Variants in SNRNP200 observed in about 807,000 individuals in gnomAD.
The protein encoded by SNRNP200 is U5 small nuclear ribonucleoprotein 200 kDa helicase.
Under a neutral mutation model 255.2 loss-of-function variants are expected in SNRNP200, and 66 were observed. That is an observed-to-expected ratio of 0.26 (90% confidence interval 0.21 to 0.32). The LOEUF is 0.32. Ranked by LOEUF, SNRNP200 falls within the 10% of genes least tolerant of loss-of-function variation. SNRNP200 has a pLI of 1.00. For synonymous variants in SNRNP200, 939 were observed against 1,027.8 expected, an observed-to-expected ratio of 0.91 and a Z score of 1.65; for missense variants, 1,585 against 2,749.8, an observed-to-expected ratio of 0.58 and a Z score of 9.47.
chr2:96,284,580 G>A lies in SNRNP200; in HGVS notation c.4170C>T (p.Tyr1390=). ...CCTGGAACTTCTCGTACCAGTCCAT[G>A]TATACCTGGCGGGCAGAGGAGGGAG... ...TPMEALAEQV[Y]MDWYEKFQDR... is the part of the protein sequence containing the mutation. Residue 1390 remains tyrosine, a synonymous_variant, in exon 31 of 45, where the codon TAC becomes TAT. Coordinates refer to ENST00000323853, the MANE Select transcript of SNRNP200 (RefSeq NM_014014.5). The A allele has an allele frequency of 6.2e-7, 1 of 1,612,778 alleles. No individual in the cohort carries two copies. Among genetic ancestry groups the A allele is most frequent in the Non-Finnish European group, 8.5e-7 (1 of 1,178,818 alleles).
rs1342376172 is a variant in SNRNP200, at chr2:96,286,088, T to C, written c.4003+223A>G. ...CTGGGCCCGAGAAATGACCATGCCATGTAAGGCCTTGCTCTATTGCCCCTC... is the reference window on the plus strand; with the variant it reads ...CTGGGCCCGAGAAATGACCATGCCACGTAAGGCCTTGCTCTATTGCCCCTC... On this transcript the variant is annotated intron_variant, in intron 29 of 44. Coordinates refer to ENST00000323853, the MANE Select transcript of SNRNP200 (RefSeq NM_014014.5). The surrounding 1 kb of genome is among the most constrained non-coding windows in gnomAD (Gnocchi z 4.8). Among the ~76,000 whole-genome samples, 4 of 152,172 alleles carry C rather than the reference T, an allele frequency of 2.6e-5. No homozygotes were observed. The highest frequency in any genetic ancestry group is 9.6e-5 in the African/African-American group (4 of 41,454).
chr2:96,285,007 C>T (rs746395682), intron 30 of SNRNP200, 173 bp downstream of exon 30: 25 of 775,696 alleles, frequency 3.2e-5, no homozygotes, highest in Non-Finnish European at 5.1e-5. Flanking sequence ...GCCTCGGCCT[C>T]CCAAAGTGCT....
At chr2:96,282,872 A>C (rs2063812257) in intron 34 of SNRNP200, 1 of 423,942 alleles carries the variant, frequency 2.4e-6, no homozygotes, top group Non-Finnish European at 4.4e-6. Flanking sequence ...GCAATACAAG[A>C]ACGGACTAAT....
rs2063853297 is a variant in SNRNP200 at position 96,287,921 on chromosome 2, C to G, written c.3307G>C (p.Gly1103Arg). 1 of 1,614,094 alleles carries G rather than the reference C, an allele frequency of 6.2e-7. No homozygotes were observed. The highest frequency in any genetic ancestry group is 8.5e-7 in the Non-Finnish European group (1 of 1,180,056). Residue 1103 changes from glycine to arginine, a missense_variant, in exon 25 of 45, where the codon GGT (glycine) becomes CGT (arginine). By Grantham distance (125) the Gly-to-Arg change is moderately radical. Coordinates refer to ENST00000323853, the MANE Select transcript of SNRNP200 (RefSeq NM_014014.5). This position sits in a 1 kb window ranked among gnomAD's most constrained non-coding sequence, Gnocchi z 5.7. ...GTCTTGTCTGTAAGCTGTGCCCAAC[C>G]TCGGTTCAGGACAATTTCAAATATC... ...RAIFEIVLNR[G>R]WAQLTDKTLN...
chr2:96,278,409 C>G lies in SNRNP200; in HGVS notation c.5489-51G>C. On this transcript the variant is annotated intron_variant, in intron 38 of 44. Transcript: ENST00000323853. The surrounding 1 kb of genome is among the most constrained non-coding windows in gnomAD (Gnocchi z 6.9). ...AAGCTAAAACCAGGCAGAGAAGGAG[C>G]AGAACTGCCCGGGCTCCCCTGCTGT... The G allele has an allele frequency of 1.9e-6, 3 of 1,613,150 alleles. No homozygotes were observed. The highest frequency in any genetic ancestry group is 2.5e-6 in the Non-Finnish European group (3 of 1,179,692).
rs529945830 is a variant in SNRNP200 at position 96,277,411 on chromosome 2, G to A, written c.5931+128C>T. 3.7e-4 allele frequency: 490 copies of A among 1,314,876 alleles called. 6 individuals are homozygous for A. The South Asian group carries it at 4.6e-3, about 12-fold the overall frequency. The allele number at this position is 1,314,876 out of a possible 1,614,324, so 81.5% of individuals were successfully genotyped here. A position where few individuals can be genotyped will look rare whatever the true frequency, so the allele number is the denominator to read the frequency against. ...GCAGGCTCTCTAGCATCTCAACAGG[G>A]AGCACCTTCGGAGGAACCATAACTA... On this transcript the variant is annotated intron_variant, in intron 41 of 44. Coordinates refer to ENST00000323853, the MANE Select transcript of SNRNP200 (RefSeq NM_014014.5). This position sits in a 1 kb window ranked among gnomAD's most constrained non-coding sequence, Gnocchi z 4.4.
rs1266911056 is a variant in SNRNP200, at chr2:96,293,108, C to A, written c.2037-13G>T. On this transcript the variant is annotated splice_polypyrimidine_tract_variant and intron_variant, in intron 15 of 44. Transcript: ENST00000323853. ...CACTGGACGGAAGCTAGAAGTTCAA[C>A]AGTTAGACAAATGAGGCTTTGGCAG... is the stretch of plus-strand genomic sequence containing the variant. 1 of 1,614,168 alleles carries A rather than the reference C, an allele frequency of 6.2e-7. No individual in the cohort carries two copies. The highest frequency in any genetic ancestry group is 1.1e-5 in the South Asian group (1 of 91,076).
rs1437488657 is a variant in SNRNP200 at position 96,277,221 on chromosome 2, G to A, written c.5952C>T (p.Asp1984=). 6.2e-7 allele frequency: 1 copy of A among 1,614,042 alleles called. No homozygotes were observed. The highest frequency in any genetic ancestry group is 2.2e-5 in the East Asian group (1 of 44,890). ...CTDKGVESVF[D]IMEMEDEERN... is the part of the protein sequence containing the mutation. Reference sequence around the variant, plus strand: ...GTTCTTCATCCTCCATCTCCATGATGTCGAAAACACTCTCCACTCCCTGCA... The same window carrying A: ...GTTCTTCATCCTCCATCTCCATGATATCGAAAACACTCTCCACTCCCTGCA... Residue 1984 remains aspartate, a synonymous_variant, in exon 42 of 45, where the codon GAC becomes GAT. Transcript: ENST00000323853. This position sits in a 1 kb window ranked among gnomAD's most constrained non-coding sequence, Gnocchi z 4.4.
rs759165717 is a variant in SNRNP200 at position 96,301,519 on chromosome 2, C to G, written c.574+5G>C. 7 of 1,614,126 alleles carry G rather than the reference C, an allele frequency of 4.3e-6. No homozygotes were observed. The highest frequency in any genetic ancestry group is 2.2e-5 in the South Asian group (2 of 91,080). On this transcript the variant is annotated splice_donor_5th_base_variant and intron_variant, in intron 4 of 44. Coordinates refer to ENST00000323853, the MANE Select transcript of SNRNP200 (RefSeq NM_014014.5). ...ACATGATCAGAACATAAAGCGCGCA[C>G]TTACCCATATTTTGGATTTCCTTAT...
intron 2 of SNRNP200, among the ~76,000 whole-genome samples, chr2:96,303,665 G>A (rs568612967): frequency 3.3e-5 from 5 of 152,102 alleles, no homozygotes; most frequent in South Asian, 2.1e-4. Flanking sequence ...CAAGGCAGGC[G>A]GATCACCTGA....
intron 13 of SNRNP200, 71 bp from the exon 14 acceptor site, chr2:96,295,729 A>T: frequency 6.5e-7 from 1 of 1,546,210 alleles, no homozygotes; most frequent in Non-Finnish European, 8.8e-7. Context: ...TGTTTGGGCA[A>T]TTGGAGTGTA....
At position 96,278,817 on chromosome 2, in the gene SNRNP200, T is replaced by G. The variant is rs755235393; in HGVS notation, c.5315A>C (p.Asn1772Thr). The G allele has an allele frequency of 6.2e-7, 1 of 1,613,962 alleles. No homozygotes were observed. The highest frequency in any genetic ancestry group is 1.1e-5 in the South Asian group (1 of 91,056). Residue 1772 changes from asparagine (N) to threonine (T), a missense_variant, in exon 37 of 45, where the codon AAC (asparagine) becomes ACC (threonine). Asn to Thr is a moderately conservative substitution (Grantham distance 65, BLOSUM62 0). Coordinates refer to ENST00000323853, the MANE Select transcript of SNRNP200 (RefSeq NM_014014.5). The surrounding 1 kb of genome is among the most constrained non-coding windows in gnomAD (Gnocchi z 6.9). ...RRMTQNPNYYNLQGISHRHLS... is the reference protein window; with the variant it reads ...RRMTQNPNYYTLQGISHRHLS... ...CTCCCAAGCCCACTGACCCTGCAGG[T>G]TGTAGTAATTGGGGTTCTGTGTCAT... is the stretch of plus-strand genomic sequence containing the variant.
intron 3 of SNRNP200, 26 bp downstream of exon 3, chr2:96,303,131 AAT>A (rs1558772972): frequency 1.9e-6 from 3 of 1,607,026 alleles, no homozygotes; most frequent in Non-Finnish European, 1.7e-6. Context: ...ATAAAGACCT[AAT>A]ATATATTTCA....
At position 96,287,793 on chromosome 2, in the gene SNRNP200, T is replaced by G; in HGVS notation, c.3365+70A>C. Reference sequence around the variant, plus strand: ...CTGGAGATCAGATGCACCCTGAGGCTTTCCCATCAGACCCTTGGGTTGGGG... The same window carrying G: ...CTGGAGATCAGATGCACCCTGAGGCGTTCCCATCAGACCCTTGGGTTGGGG... On this transcript the variant is annotated intron_variant, in intron 25 of 44. Transcript: ENST00000323853. The surrounding 1 kb of genome is among the most constrained non-coding windows in gnomAD (Gnocchi z 5.7). 13 of 1,321,954 alleles carry G rather than the reference T, an allele frequency of 9.8e-6. No homozygotes were observed. Among genetic ancestry groups the G allele is most frequent in the Non-Finnish European group, 1.1e-5 (10 of 913,458 alleles). The allele number at this position is 1,321,954 out of a possible 1,614,324, so 81.9% of individuals were successfully genotyped here.
chr2:96,304,233 TC>T, intron 2 of SNRNP200, among the ~76,000 whole-genome samples: 1 of 147,770 alleles, frequency 6.8e-6, no homozygotes, highest in South Asian at 2.2e-4. Flanking sequence ...TTGAAACATA[TC>T]CCCAAGAAAT....
At chr2:96,282,245 C>A in intron 34 of SNRNP200, 1 of 337,508 alleles carries the variant, frequency 3.0e-6, no homozygotes, top group Non-Finnish European at 5.8e-6. Flanking sequence ...CAGCCACGGG[C>A]TGGCTCAGCC....
intron 24 of SNRNP200, 120 bp downstream of exon 24, chr2:96,288,543 G>A (rs2063857992): frequency 2.3e-6 from 2 of 857,266 alleles, no homozygotes; most frequent in Non-Finnish European, 3.9e-6. Flanking sequence ...GGCAAGAGCA[G>A]AACTAAGCAC....
intron 9 of SNRNP200, 151 bp downstream of exon 9, chr2:96,298,133 T>C (rs561262399): frequency 1.8e-6 from 2 of 1,115,930 alleles, no homozygotes; most frequent in Non-Finnish European, 2.7e-6. Context: ...TGTGGATGTG[T>C]TGATTCTAAC....
Position 96,283,566 on chromosome 2 carries a change from T to C in SNRNP200, c.4732A>G (p.Thr1578Ala). 6.2e-7 allele frequency: 1 copy of C among 1,613,794 alleles called. No homozygotes were observed. Among genetic ancestry groups the C allele is most frequent in the African/African-American group, 1.3e-5 (1 of 74,930 alleles). ...CGTTGGATGTCTGCTGCACAGGTGG[T>C]GAGGATGTCAATGGCAGTGAGGCGG... ...QTRLTAIDIL[T>A]TCAADIQRQR... Residue 1578 changes from threonine (T) to alanine (A), a missense_variant, in exon 33 of 45, where the codon ACC (threonine) becomes GCC (alanine). Thr to Ala is a moderately conservative substitution (Grantham distance 58). Transcript: ENST00000323853. The surrounding 1 kb of genome is among the most constrained non-coding windows in gnomAD (Gnocchi z 4.7).
Sources: gnomAD v4.1 joint callset for allele counts (sites outside exome capture counted in the v4.1 genomes callset) on GRCh38, gnomAD v4.1.1 for gene constraint, Gnocchi (gnomAD v3.1) non-coding constraint, MANE v1.5 for transcripts, NCBI Gene and HGNC (gene_info 2026-07-23, HGNC 2026-07-21) for gene names.